PARM1: variants seen among roughly 807,000 people sequenced by gnomAD.
PARM1 encodes the protein prostate androgen-regulated mucin-like protein 1, also known as WSC4, cell wall integrity and stress response component 4 homolog.
In PARM1, 14 loss-of-function variants were observed where a neutral mutation model predicts 24.6. The ratio of observed to expected loss-of-function variants is 0.57; its 90% confidence interval spans 0.38 to 0.89. The LOEUF (loss-of-function observed/expected upper bound fraction) is 0.89. Ranked by LOEUF, PARM1 falls within the 40% of genes least tolerant of loss-of-function variation. The pLI, the probability that PARM1 is intolerant of heterozygous loss-of-function variation, is 0.00. For missense variants in PARM1, 362 were observed against 380.4 expected (o/e 0.95, Z 0.40); for synonymous variants, 179 against 156.6 (o/e 1.14, Z -1.07).
intron 1 of PARM1, among the ~76,000 whole-genome samples, chr4:74,963,013 A>G (rs879737907): frequency 3.3e-5 from 5 of 152,208 alleles, no homozygotes; most frequent in Non-Finnish European, 5.9e-5. Flanking sequence ...GAGTCTCACA[A>G]GATCTGATGG....
chr4:75,013,380 G>A (rs1259428201), intron 2 of PARM1, among the ~76,000 whole-genome samples: 25 of 152,202 alleles, frequency 1.6e-4, no homozygotes, highest in Admixed American at 1.6e-3. Context: ...AAGTCATAAT[G>A]ATGCTACAGG....
chr4:74,964,159 A>G (rs1235633648), intron 1 of PARM1, among the ~76,000 whole-genome samples: 1 of 152,154 alleles, frequency 6.6e-6, no homozygotes, highest in African/African-American at 2.4e-5. Flanking sequence ...TAAGGAAGAG[A>G]GGGACAAGTC....
At chr4:74,949,603 C>T (rs564695440) in intron 1 of PARM1, among the ~76,000 whole-genome samples, 8 of 152,298 alleles carry the variant, frequency 5.3e-5, no homozygotes, top group East Asian at 1.9e-4. Context: ...TGAGCCACTG[C>T]GCCCAGCCTA....
intron 1 of PARM1, among the ~76,000 whole-genome samples, chr4:74,981,782 G>A (rs2109772692): frequency 6.7e-6 from 1 of 149,708 alleles, no homozygotes; most frequent in South Asian, 2.1e-4. Flanking sequence ...GGCTGAGGCA[G>A]AAGAATCGCT....
intron 1 of PARM1, among the ~76,000 whole-genome samples, chr4:74,986,005 G>A (rs1722348531): frequency 6.6e-6 from 1 of 152,138 alleles, no homozygotes; most frequent in Non-Finnish European, 1.5e-5. Flanking sequence ...CTGACCTCGT[G>A]ATCCACCTGC....
intron 2 of PARM1, among the ~76,000 whole-genome samples, chr4:75,013,369 C>T (rs771726720): frequency 6.6e-6 from 1 of 152,180 alleles, no homozygotes; most frequent in Non-Finnish European, 1.5e-5. Flanking sequence ...CCTGTTTTCA[C>T]AAGTCATAAT....
intron 1 of PARM1, among the ~76,000 whole-genome samples, chr4:74,993,299 G>C (rs772035769): frequency 3.9e-5 from 6 of 152,108 alleles, no homozygotes; most frequent in African/African-American, 7.2e-5. Flanking sequence ...TCCATTCAAA[G>C]ATCACCAGGG....
At chr4:75,016,437 G>A (rs904183029) in intron 2 of PARM1, among the ~76,000 whole-genome samples, 7 of 152,094 alleles carry the variant, frequency 4.6e-5, no homozygotes, top group African/African-American at 1.4e-4. Context: ...AGATCAGTGG[G>A]TACATGCACA....
intron 1 of PARM1, among the ~76,000 whole-genome samples, chr4:74,952,364 A>G (rs1342136016): frequency 6.6e-6 from 1 of 152,208 alleles, no homozygotes; most frequent in African/African-American, 2.4e-5. Context: ...ATAGATTACA[A>G]ACATTTTCTC....
In PARM1 at chr4:75,012,445, C is replaced by T. The variant is rs1722887384; in HGVS notation, c.64C>T (p.Pro22Ser). 6 of 1,613,712 alleles carry T rather than the reference C, an allele frequency of 3.7e-6. No homozygotes were observed. The highest frequency in any genetic ancestry group is 5.1e-6 in the Non-Finnish European group (6 of 1,179,846). ...LTAGWRVQSL[P>S]TSAPLSVSLP... The stretch of plus-strand genomic sequence containing the variant: ...CACAGGATGGAGGGTACAGAGTCTG[C>T]CTACATCAGCTCCTTTGTCTGTTTC... Residue 22 changes from proline to serine, a missense_variant, in exon 2 of 4, where the codon CCT (proline) becomes TCT (serine). Coordinates refer to ENST00000307428, the MANE Select transcript of PARM1 (RefSeq NM_015393.4).
chr4:74,966,235 AT>A (rs1232982122), intron 1 of PARM1, among the ~76,000 whole-genome samples: 6 of 152,218 alleles, frequency 3.9e-5, no homozygotes, highest in African/African-American at 1.2e-4. Flanking sequence ...GTCAAAAAAA[AT>A]GTTTTAATAC....
At chr4:74,965,019 G>A (rs887257617) in intron 1 of PARM1, among the ~76,000 whole-genome samples, 1 of 152,098 alleles carries the variant, frequency 6.6e-6, no homozygotes, top group Non-Finnish European at 1.5e-5. Context: ...TAATATGACT[G>A]TTAAGAAAAG....
At chr4:74,936,446 T>TGG (rs374635927) in intron 1 of PARM1, among the ~76,000 whole-genome samples, 6 of 117,926 alleles carry the variant, frequency 5.1e-5, no homozygotes, top group East Asian at 4.2e-4. Flanking sequence ...GTGTTTTTTT[T>TGG]TTGTTTGTTT....
At chr4:75,004,079 G>C (rs1481047822) in intron 1 of PARM1, among the ~76,000 whole-genome samples, 1 of 152,160 alleles carries the variant, frequency 6.6e-6, no homozygotes, top group Admixed American at 6.5e-5. Flanking sequence ...AAGTCTGTCT[G>C]GAGGCCCATC....
At chr4:75,042,421 A>C (rs1213239897) in intron 3 of PARM1, among the ~76,000 whole-genome samples, 19 of 152,200 alleles carry the variant, frequency 1.2e-4, no homozygotes, top group Non-Finnish European at 1.5e-5. Context: ...GTTCAGGTTG[A>C]AATTAGATGA....
intron 1 of PARM1, among the ~76,000 whole-genome samples, chr4:74,997,465 T>G (rs1360634977): frequency 6.6e-6 from 1 of 152,208 alleles, no homozygotes; most frequent in Admixed American, 6.5e-5. Flanking sequence ...CCTGAGGGAT[T>G]ACTGGAATCT....
At chr4:74,937,636 A>G (rs939295456) in intron 1 of PARM1, among the ~76,000 whole-genome samples, 4 of 152,328 alleles carry the variant, frequency 2.6e-5, no homozygotes, top group Admixed American at 6.5e-5. Context: ...AGTGCTGGAG[A>G]CATAGCAAAT....
chr4:75,036,749 G>A (rs1388890684), intron 3 of PARM1, among the ~76,000 whole-genome samples: 1 of 152,204 alleles, frequency 6.6e-6, no homozygotes, highest in African/African-American at 2.4e-5. Flanking sequence ...CAGGCGTTCA[G>A]AGCACCAGAT....
intron 1 of PARM1, among the ~76,000 whole-genome samples, chr4:74,978,407 G>A (rs1722178569): frequency 6.6e-6 from 1 of 152,152 alleles, no homozygotes; most frequent in Admixed American, 6.5e-5. Flanking sequence ...AACATGAAGA[G>A]CTAACTATCC....
Sources: gnomAD v4.1 joint callset for allele counts (sites outside exome capture counted in the v4.1 genomes callset) on GRCh38, gnomAD v4.1.1 for gene constraint, MANE v1.5 for transcripts, NCBI Gene and HGNC (gene_info 2026-07-23, HGNC 2026-07-21) for gene names.